SORCS2: variants seen among roughly 807,000 people sequenced by gnomAD.
SORCS2 encodes VPS10 domain-containing receptor SorCS2.
Under a neutral mutation model 141.6 loss-of-function variants are expected in SORCS2, and 100 were observed. The ratio of observed to expected loss-of-function variants is 0.71; its 90% CI spans 0.60 to 0.83. SORCS2 has a LOEUF of 0.83. Ranked by LOEUF, SORCS2 falls within the 40% of genes least tolerant of loss-of-function variation. SORCS2 has a pLI of 0.00. For missense variants in SORCS2, 1,646 were observed against 1,560.2 expected (o/e 1.05, Z -0.93); for synonymous variants, 789 against 676.9 (o/e 1.17, Z -2.57).
intron 3 of SORCS2, among the ~76,000 whole-genome samples, chr4:7,570,560 G>A (rs1048115844): frequency 6.6e-6 from 1 of 152,226 alleles, no homozygotes; most frequent in African/African-American, 2.4e-5. Flanking sequence ...CTCCCACACC[G>A]CCCTGTAGAT....
At chr4:7,660,016 G>T (rs1333327197) in intron 5 of SORCS2, among the ~76,000 whole-genome samples, 1 of 152,186 alleles carries the variant, frequency 6.6e-6, no homozygotes. Context: ...TGTAAAATGG[G>T]TATAATCAAA....
chr4:7,612,847 G>T (rs1454290449), intron 3 of SORCS2, among the ~76,000 whole-genome samples: 1 of 152,246 alleles, frequency 6.6e-6, no homozygotes, highest in Non-Finnish European at 1.5e-5. Flanking sequence ...GCAGGCACCT[G>T]AAAAGTGACT....
At chr4:7,572,463 T>G (rs1284664414) in intron 3 of SORCS2, among the ~76,000 whole-genome samples, 1 of 152,250 alleles carries the variant, frequency 6.6e-6, no homozygotes, top group East Asian at 1.9e-4. Context: ...AACTGTAATA[T>G]TAAGGCATAT....
chr4:7,739,074 G>A (rs747080502), intron 26 of SORCS2, among the ~76,000 whole-genome samples: 3 of 152,192 alleles, frequency 2.0e-5, no homozygotes, highest in Non-Finnish European at 2.9e-5. Flanking sequence ...CTGACTTCCC[G>A]GAGGCAGTCA....
chr4:7,586,160 C>G (rs1479640096), intron 3 of SORCS2, among the ~76,000 whole-genome samples: 1 of 152,156 alleles, frequency 6.6e-6, no homozygotes, highest in Non-Finnish European at 1.5e-5. Flanking sequence ...GGCTTGATAT[C>G]TGTGCTCTCA....
intron 1 of SORCS2, among the ~76,000 whole-genome samples, chr4:7,204,372 C>T (rs1727625357): frequency 6.6e-6 from 1 of 152,084 alleles, no homozygotes. Context: ...CACGCCACCA[C>T]ACCTGGCTAA....
intron 3 of SORCS2, among the ~76,000 whole-genome samples, chr4:7,604,932 C>T (rs1033259128): frequency 6.6e-6 from 1 of 152,172 alleles, no homozygotes; most frequent in African/African-American, 2.4e-5. Context: ...CCCTACACCC[C>T]ATGCAGATGT....
At chr4:7,674,119 A>C (rs548093104) in intron 8 of SORCS2, among the ~76,000 whole-genome samples, 2 of 151,284 alleles carry the variant, frequency 1.3e-5, no homozygotes, top group East Asian at 2.0e-4. Flanking sequence ...CCCACTTCAC[A>C]CATGGGGACG....
chr4:7,192,982 G>C lies in SORCS2; in HGVS notation c.336G>C (p.Ala112=). The change falls in exon 1 of 27, where the codon GCG becomes GCC. Residue 112 remains alanine (A), a synonymous_variant. Transcript: ENST00000507866. This position sits in a 1 kb window ranked among gnomAD's most constrained non-coding sequence, Gnocchi z 4.0. ...PGPGEDGAPA[A]GYRRWERAAP... ...CCGGCGAGGACGGCGCCCCCGCCGC[G>C]GGCTACCGGCGCTGGGAGCGGGCGG... is the stretch of plus-strand genomic sequence containing the variant. 7.1e-7 allele frequency: 1 copy of C among 1,402,428 alleles called. No homozygotes were observed. Among genetic ancestry groups the C allele is most frequent in the South Asian group, 1.5e-5 (1 of 65,112 alleles). The allele number at this position is 1,402,428 out of a possible 1,614,324, so 86.9% of individuals were successfully genotyped here. A position where few individuals can be genotyped will look rare whatever the true frequency, so the allele number is the denominator to read the frequency against.
In SORCS2 at chr4:7,201,679, C is replaced by T. The variant is rs991802418; in HGVS notation, c.480+8553C>T. ...TGTACGTTGCCTCCTCTTTTGGGGC[C>T]GCCTTGTCTTTCTTTTTTCAGACTC... On this transcript the variant is annotated intron_variant, in intron 1 of 26. Coordinates refer to ENST00000507866, the MANE Select transcript of SORCS2 (RefSeq NM_020777.3). The surrounding 1 kb of genome is among the most constrained non-coding windows in gnomAD (Gnocchi z 4.4). Among the ~76,000 whole-genome samples, 5 of 152,116 alleles carry T rather than the reference C, an allele frequency of 3.3e-5. No individual in the cohort carries two copies. The highest frequency in any genetic ancestry group is 6.6e-5 in the Admixed American group (1 of 15,266).
At chr4:7,228,737 G>C (rs1452398136) in intron 1 of SORCS2, among the ~76,000 whole-genome samples, 3 of 152,212 alleles carry the variant, frequency 2.0e-5, no homozygotes, top group Non-Finnish European at 4.4e-5. Context: ...CTACGACTCT[G>C]TCCAGCTGCT....
At chr4:7,331,481 C>T (rs1560198248) in intron 1 of SORCS2, among the ~76,000 whole-genome samples, 1 of 152,120 alleles carries the variant, frequency 6.6e-6, no homozygotes. Flanking sequence ...GACTGCGGTC[C>T]CCTAAGAGAC....
intron 1 of SORCS2, among the ~76,000 whole-genome samples, chr4:7,324,582 A>G (rs1230621972): frequency 6.6e-6 from 1 of 152,176 alleles, no homozygotes; most frequent in Non-Finnish European, 1.5e-5. Flanking sequence ...TACAGTGAAA[A>G]GCAGGGGAGA....
chr4:7,596,391 A>T lies in SORCS2; in HGVS notation c.649-41937A>T, dbSNP rs978235692. On this transcript the variant is annotated intron_variant, in intron 3 of 26. Transcript: ENST00000507866. ...TTGACTCATGCTGCTTTTTATAGGG[A>T]CTCGCTAGACCTGCATGTCAGATTC... 8.6e-5 allele frequency among the ~76,000 whole-genome samples: 13 copies of T among 151,882 alleles called. No individual in the cohort carries two copies. In the East Asian group the frequency reaches 1.2e-3, roughly 14 times the overall value.
At chr4:7,210,703 A>T (rs1163168198) in intron 1 of SORCS2, among the ~76,000 whole-genome samples, 1 of 152,210 alleles carries the variant, frequency 6.6e-6, no homozygotes, top group East Asian at 1.9e-4. Flanking sequence ...CTTCCCCTGT[A>T]AAATGCAGGT....
At chr4:7,373,181 T>C (rs1722370125) in intron 1 of SORCS2, among the ~76,000 whole-genome samples, 1 of 151,794 alleles carries the variant, frequency 6.6e-6, no homozygotes, top group African/African-American at 2.4e-5. Flanking sequence ...AGAAGCTGTG[T>C]CCTTTTGCAT....
chr4:7,525,027 C>G (rs773261865), intron 2 of SORCS2, among the ~76,000 whole-genome samples: 4 of 152,242 alleles, frequency 2.6e-5, no homozygotes, highest in Admixed American at 6.5e-5. Context: ...TCGGACACAG[C>G]GCGGGGAGAG....
chr4:7,244,972 C>G (rs1242885651), intron 1 of SORCS2, among the ~76,000 whole-genome samples: 2 of 152,122 alleles, frequency 1.3e-5, no homozygotes, highest in Non-Finnish European at 2.9e-5. Flanking sequence ...AGGGGGGTGG[C>G]TGGAGGGGGG....
At chr4:7,667,095 C>T (rs1722549521) in intron 7 of SORCS2, 29 bp from the exon 8 acceptor site, 5 of 1,592,226 alleles carry the variant, frequency 3.1e-6, no homozygotes, top group Non-Finnish European at 4.3e-6. Flanking sequence ...AATCAAGCCT[C>T]TCAAAAATGT....
Sources: allele counts gnomAD v4.1 joint callset (sites outside exome capture counted in the v4.1 genomes callset), GRCh38; gene constraint gnomAD v4.1.1; non-coding constraint Gnocchi (gnomAD v3.1); transcripts MANE v1.5; gene names NCBI Gene and HGNC (gene_info 2026-07-23, HGNC 2026-07-21).